Variants in CFAP91 observed in about 807,000 individuals in gnomAD.
The protein encoded by CFAP91 is cilia and flagella associated protein 91, also known as cilia- and flagella-associated protein 91.
A neutral mutation model predicts 95.9 loss-of-function variants in CFAP91; 85 were observed. The ratio of observed to expected loss-of-function variants is 0.89; its 90% CI spans 0.74 to 1.06. The LOEUF is 1.06. Among genes scored for constraint, CFAP91 ranks in the 50% least tolerant of loss-of-function variants. CFAP91 has a pLI of 0.00. For synonymous variants in CFAP91, 335 were observed against 327.5 expected, an observed-to-expected ratio of 1.02 and a Z score of -0.25; for missense variants, 962 against 943.4, an observed-to-expected ratio of 1.02 and a Z score of -0.26.
intron 13 of CFAP91, among the ~76,000 whole-genome samples, chr3:119,743,552 A>G (rs1447423645): frequency 6.6e-6 from 1 of 152,240 alleles, no homozygotes; most frequent in Non-Finnish European, 1.5e-5. Flanking sequence ...ATATTGAAAA[A>G]TTAACTGATA....
At chr3:119,754,130 G>A (rs2054379405) in intron 17 of CFAP91, among the ~76,000 whole-genome samples, 1 of 152,180 alleles carries the variant, frequency 6.6e-6, no homozygotes, top group African/African-American at 2.4e-5. Context: ...TGGACATTGA[G>A]GGTGATTCTG....
chr3:119,740,666 C>G lies in CFAP91; in HGVS notation c.1651C>G (p.Gln551Glu), dbSNP rs772352151. 89 of 1,614,046 alleles carry G rather than the reference C, an allele frequency of 5.5e-5. No homozygotes were observed. The highest frequency in any genetic ancestry group is 2.2e-4 in the South Asian group (20 of 91,088). Residue 551 changes from glutamine (Q) to glutamate (E), a missense_variant, in exon 13 of 18, where the codon CAG (glutamine) becomes GAG (glutamate). Gln to Glu is a conservative substitution (Grantham distance 29). Transcript: ENST00000273390. ...KAEKQVTLAL[Q>E]RQRNLHEHKV... is the part of the protein sequence containing the mutation. ...CGAGAAGCAAGTGACCCTGGCCTTA[C>G]AGCGGCAGAGGAACTTGCATGAGCA...
intron 1 of CFAP91, among the ~76,000 whole-genome samples, chr3:119,703,890 T>G (rs72963177): frequency 0.027 from 4,116 of 152,300 alleles, 134 homozygotes; most frequent in African/African-American, 0.083. Flanking sequence ...CTTCAATAAA[T>G]AAATGTTTAT....
At chr3:119,706,465 T>G in intron 1 of CFAP91, 1 of 212,384 alleles carries the variant, frequency 4.7e-6, no homozygotes, top group Non-Finnish European at 9.4e-6. Flanking sequence ...CCTTGAAGAA[T>G]TTTTTGGGTT....
chr3:119,744,376 G>T (rs1310147998), intron 14 of CFAP91, among the ~76,000 whole-genome samples, 180 bp downstream of exon 14: 1 of 152,184 alleles, frequency 6.6e-6, no homozygotes, highest in Non-Finnish European at 1.5e-5. Flanking sequence ...ACACGATCCC[G>T]TCTCTCCTAA....
At position 119,708,724 on chromosome 3, in the gene CFAP91, C is replaced by A. The variant is rs761631643; in HGVS notation, c.443+50C>A. On this transcript the variant is annotated intron_variant, in intron 4 of 17. Transcript: ENST00000273390. ...TTTGAGCCCTAATATTATTAGAGAACCTCTTTATGATAATAATAATAGTTA... is the reference window on the plus strand; with the variant it reads ...TTTGAGCCCTAATATTATTAGAGAAACTCTTTATGATAATAATAATAGTTA... The A allele has an allele frequency of 5.6e-6, 6 of 1,065,650 alleles. No homozygotes were observed. In the African/African-American group the frequency reaches 9.6e-5, roughly 17 times the overall value. The allele number at this position is 1,065,650 out of a possible 1,614,324, so 66.0% of individuals were successfully genotyped here.
intron 6 of CFAP91, among the ~76,000 whole-genome samples, chr3:119,718,988 C>T (rs1394685127): frequency 6.6e-6 from 1 of 151,116 alleles, no homozygotes; most frequent in Non-Finnish European, 1.5e-5. Flanking sequence ...TACAAGAAAA[C>T]TCACAGCAGC....
rs1301444257 is a variant in CFAP91, at chr3:119,765,382, T to A, written c.*332T>A. 8.5e-5 allele frequency: 13 copies of A among 152,198 alleles called. No homozygotes were observed. The allele number at this position is 152,198 out of a possible 1,614,324, so 9.4% of individuals were successfully genotyped here. ...GTTGTGGAATATTTTTCCAAGTAGT[T>A]TTGGTTCACTATTCACAGGACATTG... On this transcript the variant is annotated 3_prime_UTR_variant, in exon 18 of 18. Coordinates refer to ENST00000273390, the MANE Select transcript of CFAP91 (RefSeq NM_033364.4).
intron 17 of CFAP91, among the ~76,000 whole-genome samples, chr3:119,761,222 T>C (rs1235973555): frequency 6.6e-6 from 1 of 151,706 alleles, no homozygotes; most frequent in Non-Finnish European, 1.5e-5. Context: ...AAGATAAGAC[T>C]ACTATAAACA....
intron 6 of CFAP91, among the ~76,000 whole-genome samples, chr3:119,717,550 G>GGTTTTTTT (rs1553706268): frequency 7.7e-6 from 1 of 130,192 alleles, no homozygotes. Context: ...AAATACGTTG[G>GGTTTTTTT]TTTTTTTTTT....
At position 119,707,536 on chromosome 3, in the gene CFAP91, A is replaced by G; in HGVS notation, c.334A>G (p.Arg112Gly). 6.3e-7 allele frequency: 1 copy of G among 1,585,016 alleles called. No homozygotes were observed. Among genetic ancestry groups the G allele is most frequent in the Non-Finnish European group, 8.6e-7 (1 of 1,160,070 alleles). ...REWKGHKEKHREALRQLTTTD... is the reference protein window; with the variant it reads ...REWKGHKEKHGEALRQLTTTD... Reference sequence around the variant, plus strand: ...ATGGAAGGGACATAAGGAGAAACACAGAGAAGCCCTCCGGCAGCTCACCAC... The same window carrying G: ...ATGGAAGGGACATAAGGAGAAACACGGAGAAGCCCTCCGGCAGCTCACCAC... Residue 112 changes from arginine (R) to glycine (G), a missense_variant, in exon 3 of 18, where the codon AGA becomes GGA. Physicochemically the swap from Arg to Gly is moderately radical, Grantham distance 125. Coordinates refer to ENST00000273390, the MANE Select transcript of CFAP91 (RefSeq NM_033364.4).
rs1320502859 is a variant in CFAP91 at position 119,766,719 on chromosome 3, G to A, written c.*1669G>A. ...CCGTTGTAGGGTAAGAGCAGCACTC[G>A]ATGACACAGAAATGAATGCACATGA... On this transcript the variant is annotated 3_prime_UTR_variant, in exon 18 of 18. Coordinates refer to ENST00000273390, the MANE Select transcript of CFAP91 (RefSeq NM_033364.4). The A allele has an allele frequency of 6.6e-6, 1 of 152,136 alleles. No individual in the cohort carries two copies. Among genetic ancestry groups the A allele is most frequent in the Non-Finnish European group, 1.5e-5 (1 of 68,016 alleles). 9.4% of individuals were successfully genotyped at this position (152,136 alleles called of 1,614,324 possible).
intron 6 of CFAP91, among the ~76,000 whole-genome samples, chr3:119,717,550 G>T (rs139773013): frequency 4.6e-5 from 6 of 130,192 alleles, no homozygotes; most frequent in African/African-American, 1.4e-4. Context: ...AAATACGTTG[G>T]TTTTTTTTTT....
At chr3:119,723,897 T>C (rs890304307) in intron 6 of CFAP91, among the ~76,000 whole-genome samples, 1 of 151,614 alleles carries the variant, frequency 6.6e-6, no homozygotes, top group African/African-American at 2.4e-5. Context: ...TGATGGCTTA[T>C]GCCTGTAATC....
rs2054254691 is a variant in CFAP91, at chr3:119,747,846, A to T, written c.2087A>T (p.Glu696Val). 6.2e-7 allele frequency: 1 copy of T among 1,613,664 alleles called. No homozygotes were observed. ...CTTCAGTCAGAGGAGATTGTTGCTGAGTTGGTTTATAGTTTTCTGATCCCA... is the reference window on the plus strand; with the variant it reads ...CTTCAGTCAGAGGAGATTGTTGCTGTGTTGGTTTATAGTTTTCTGATCCCA... Reference protein sequence around the residue: ...TYLQSEEIVAELVYSFLIPEV... With the variant: ...TYLQSEEIVAVLVYSFLIPEV... The change falls in exon 16 of 18, where the codon GAG (glutamate) becomes GTG (valine). Residue 696 changes from glutamate (E) to valine (V), a missense_variant. Physicochemically the swap from Glu to Val is moderately radical, Grantham distance 121. Coordinates refer to ENST00000273390, the MANE Select transcript of CFAP91 (RefSeq NM_033364.4).
Position 119,708,670 on chromosome 3 carries a change from GA to G in CFAP91, c.442del (p.Arg148GlyfsTer63). On this transcript the variant is annotated frameshift_variant, in exon 4 of 18. Coordinates refer to ENST00000273390, the MANE Select transcript of CFAP91 (RefSeq NM_033364.4). LOFTEE classifies it high-confidence loss of function. ...VTGKNRYKYF[E>X]RPFLPFFQQM... ...TGGAAAGAATCGCTATAAATACTTT[GA>G]AAGGTAGAACATAATTACTAATGAA... is the stretch of plus-strand genomic sequence containing the variant. 6.5e-7 allele frequency: 1 copy of G among 1,541,468 alleles called. No homozygotes were observed. Among genetic ancestry groups the G allele is most frequent in the Non-Finnish European group, 8.9e-7 (1 of 1,121,472 alleles).
At chr3:119,749,817 CT>C (rs2054293799) in intron 16 of CFAP91, among the ~76,000 whole-genome samples, 1 of 152,082 alleles carries the variant, frequency 6.6e-6, no homozygotes, top group Non-Finnish European at 1.5e-5. Flanking sequence ...AGGTATATCA[CT>C]TTTTGAAAAG....
chr3:119,712,184 T>C (rs1275124290), intron 5 of CFAP91, among the ~76,000 whole-genome samples: 1 of 152,188 alleles, frequency 6.6e-6, no homozygotes, highest in Non-Finnish European at 1.5e-5. Context: ...CATTGCTCTT[T>C]GTTACTCATA....
intron 7 of CFAP91, among the ~76,000 whole-genome samples, 172 bp from the exon 8 acceptor site, chr3:119,730,048 A>G (rs1024180006): frequency 6.6e-6 from 1 of 152,170 alleles, no homozygotes; most frequent in Admixed American, 6.5e-5. Context: ...GTCTCTATTG[A>G]GTTGCCTCCC....
Sources: allele counts gnomAD v4.1 joint callset (sites outside exome capture counted in the v4.1 genomes callset), GRCh38; gene constraint gnomAD v4.1.1; transcripts MANE v1.5; gene names NCBI Gene and HGNC (gene_info 2026-07-23, HGNC 2026-07-21).